The following SPMAP2L variants were observed in gnomAD, a reference collection of about 807,000 sequenced individuals.
The protein encoded by SPMAP2L is sperm microtubule associated protein 2-like.
the SPMAP2L span, among the ~76,000 whole-genome samples, chr4:56,614,191 CT>C: frequency 1.3e-5 from 2 of 152,058 alleles, no homozygotes; most frequent in Non-Finnish European, 2.9e-5. Flanking sequence ...CCAACAGAGC[CT>C]TGGAAAGTTG....
At chr4:56,607,823 A>G in the SPMAP2L span, among the ~76,000 whole-genome samples, 1 of 151,934 alleles carries the variant, frequency 6.6e-6, no homozygotes, top group Non-Finnish European at 1.5e-5. Flanking sequence ...CCCCATTTTT[A>G]TTTAAAAAAA....
the SPMAP2L span, among the ~76,000 whole-genome samples, chr4:56,536,755 T>C: frequency 6.6e-6 from 1 of 152,246 alleles, no homozygotes; most frequent in African/African-American, 2.4e-5. Flanking sequence ...AGTAGTGTTG[T>C]AGTGTTATTA....
At chr4:56,591,035 G>C in the SPMAP2L span, among the ~76,000 whole-genome samples, 1 of 152,160 alleles carries the variant, frequency 6.6e-6, no homozygotes, top group Non-Finnish European at 1.5e-5. Context: ...CCGAGGTGAT[G>C]AATAAATGAT....
chr4:56,544,578 G>T, the SPMAP2L span, among the ~76,000 whole-genome samples: 2 of 152,088 alleles, frequency 1.3e-5, no homozygotes, highest in Admixed American at 1.3e-4. Flanking sequence ...TAATTATGTT[G>T]CTCCTTGTAT....
At chr4:56,594,518 G>T in the SPMAP2L span, 2 of 1,608,080 alleles carry the variant, frequency 1.2e-6, no homozygotes, top group Non-Finnish European at 1.7e-6. Context: ...GGGAGCCCAG[G>T]GAGAATATGC....
At chr4:56,596,479 T>C in the SPMAP2L span, 1 of 1,498,160 alleles carries the variant, frequency 6.7e-7, no homozygotes, top group Non-Finnish European at 8.8e-7. Flanking sequence ...TTATAAGTAC[T>C]GTTTTATTTT....
chr4:56,553,997 GT>G, the SPMAP2L span, among the ~76,000 whole-genome samples: 119,062 of 148,034 alleles, frequency 0.8, 48,168 homozygotes, highest in Non-Finnish European at 0.85. Flanking sequence ...CTTCCTTTAT[GT>G]TTTTTTTTTT....
chr4:56,578,927 A>AC, the SPMAP2L span, among the ~76,000 whole-genome samples: 1 of 151,996 alleles, frequency 6.6e-6, no homozygotes, highest in African/African-American at 2.4e-5. Context: ...GAAAAAAAAA[A>AC]GTAAGAAAGA....
At chr4:56,598,225 A>G in the SPMAP2L span, among the ~76,000 whole-genome samples, 1 of 152,226 alleles carries the variant, frequency 6.6e-6, no homozygotes, top group Non-Finnish European at 1.5e-5. Context: ...TAGGTATTTT[A>G]CCAATAAAGC....
chr4:56,574,953 G>GA, the SPMAP2L span, among the ~76,000 whole-genome samples: 49 of 148,184 alleles, frequency 3.3e-4, no homozygotes, highest in African/African-American at 1.1e-3. Context: ...TGTCTCAATT[G>GA]AAAAAAAAAG....
the SPMAP2L span, among the ~76,000 whole-genome samples, chr4:56,541,562 T>C: frequency 1.3e-5 from 2 of 151,106 alleles, no homozygotes; most frequent in South Asian, 4.2e-4. Flanking sequence ...GAGTATGTTA[T>C]AATAAACCCC....
chr4:56,565,938 T>C, the SPMAP2L span, among the ~76,000 whole-genome samples: 1 of 152,214 alleles, frequency 6.6e-6, no homozygotes, highest in African/African-American at 2.4e-5. Context: ...TTTATTATTG[T>C]TAGCATGACA....
the SPMAP2L span, among the ~76,000 whole-genome samples, chr4:56,552,332 G>C: frequency 0.95 from 145,118 of 152,278 alleles, 69,243 homozygotes; most frequent in Middle Eastern, 0.97. Flanking sequence ...AATTTATTGT[G>C]TTCATTTTAT....
the SPMAP2L span, among the ~76,000 whole-genome samples, chr4:56,624,254 AG>A: frequency 6.6e-6 from 1 of 152,234 alleles, no homozygotes; most frequent in African/African-American, 2.4e-5. Context: ...GAAATTTCTA[AG>A]CAGCAAAGCA....
the SPMAP2L span, chr4:56,575,521 A>G: frequency 1.3e-6 from 2 of 1,535,448 alleles, no homozygotes; most frequent in African/African-American, 2.7e-5. Flanking sequence ...ATACTACCAC[A>G]GCTGTGGAAG....
chr4:56,612,614 C>T, the SPMAP2L span, among the ~76,000 whole-genome samples: 2 of 151,902 alleles, frequency 1.3e-5, no homozygotes, highest in Non-Finnish European at 2.9e-5. Context: ...GTCACCCAGG[C>T]TGGATTGCAG....
At chr4:56,611,379 G>A in the SPMAP2L span, among the ~76,000 whole-genome samples, 86 of 152,174 alleles carry the variant, frequency 5.7e-4, no homozygotes, top group Non-Finnish European at 9.6e-4. Flanking sequence ...AAGCTATGAG[G>A]ATGCAAAGGC....
chr4:56,586,002 T>C, the SPMAP2L span, among the ~76,000 whole-genome samples: 3 of 152,126 alleles, frequency 2.0e-5, no homozygotes, highest in Non-Finnish European at 4.4e-5. Context: ...ACAACAATGA[T>C]TTTATTATGT....
chr4:56,567,962 A>T, the SPMAP2L span, among the ~76,000 whole-genome samples: 36 of 152,000 alleles, frequency 2.4e-4, no homozygotes, highest in Non-Finnish European at 3.7e-4. Context: ...TGCGGGCTCT[A>T]GTTGGATGTA....
Sources: gnomAD v4.1 joint callset for allele counts (sites outside exome capture counted in the v4.1 genomes callset) on GRCh38, gnomAD v4.1.1 for gene constraint, MANE v1.5 for transcripts, NCBI Gene and HGNC (gene_info 2026-07-23, HGNC 2026-07-21) for gene names.